Variants in OR51B5 observed in about 807,000 individuals in gnomAD.
The protein encoded by OR51B5 is olfactory receptor family 51 subfamily B member 5.
For synonymous variants in OR51B5, 186 were observed against 144.8 expected (o/e 1.28, Z -2.04); for missense variants, 456 against 374.6 (o/e 1.22, Z -1.79).
At chr11:5,370,112 G>A (rs775342297) in intron 1 of OR51B5, among the ~76,000 whole-genome samples, 6 of 152,100 alleles carry the variant, frequency 3.9e-5, no homozygotes, top group Non-Finnish European at 8.8e-5. Context: ...CTATAGAAAT[G>A]CATATAGAAA....
intron 1 of OR51B5, chr11:5,355,541 C>T: frequency 6.6e-6 from 1 of 152,460 alleles, no homozygotes; most frequent in Non-Finnish European, 1.5e-5. Flanking sequence ...GCACCTGCTT[C>T]TCCTATGCCA....
chr11:5,372,935 T>C (rs942716711), intron 1 of OR51B5, among the ~76,000 whole-genome samples: 3 of 152,140 alleles, frequency 2.0e-5, no homozygotes, highest in Admixed American at 6.5e-5. Flanking sequence ...TACAAAGCTA[T>C]AGTAACCAAA....
intron 1 of OR51B5, among the ~76,000 whole-genome samples, chr11:5,397,885 G>C (rs1326428289): frequency 6.6e-6 from 1 of 151,690 alleles, no homozygotes; most frequent in African/African-American, 2.4e-5. Flanking sequence ...AAAATGATGA[G>C]TTCATGTCCT....
chr11:5,402,902 T>G (rs1487568378), intron 1 of OR51B5: 1 of 471,218 alleles, frequency 2.1e-6, no homozygotes, highest in African/African-American at 2.0e-5. Context: ...CTTGTCTTTT[T>G]CCAGATGTTC....
intron 1 of OR51B5, chr11:5,422,659 C>T: frequency 1.2e-6 from 2 of 1,614,094 alleles, no homozygotes; most frequent in East Asian, 2.2e-5. Context: ...TCATTTGCTG[C>T]TGTGTTCTGG....
chr11:5,411,649 T>A (rs965947609), intron 1 of OR51B5, among the ~76,000 whole-genome samples: 5 of 152,158 alleles, frequency 3.3e-5, no homozygotes, highest in African/African-American at 1.2e-4. Context: ...TTGGTTTACA[T>A]GGAAAAGGGC....
At chr11:5,390,054 T>G in intron 1 of OR51B5, 2 of 1,613,732 alleles carry the variant, frequency 1.2e-6, no homozygotes, top group Non-Finnish European at 1.7e-6. Flanking sequence ...GTTTTCACTG[T>G]GATGCTGGAC....
chr11:5,396,348 A>G (rs1849871640), intron 1 of OR51B5, among the ~76,000 whole-genome samples: 1 of 152,226 alleles, frequency 6.6e-6, no homozygotes, highest in African/African-American at 2.4e-5. Context: ...AATCCCCTTA[A>G]GCTGATAAGC....
At chr11:5,402,037 T>C (rs908262870) in intron 1 of OR51B5, among the ~76,000 whole-genome samples, 1 of 151,704 alleles carries the variant, frequency 6.6e-6, no homozygotes, top group Admixed American at 6.6e-5. Context: ...CTTTTTCTTT[T>C]GTCTCATGCT....
At chr11:5,444,637 G>T (rs1023584224) in intron 1 of OR51B5, among the ~76,000 whole-genome samples, 2 of 152,124 alleles carry the variant, frequency 1.3e-5, no homozygotes, top group Non-Finnish European at 2.9e-5. Context: ...CCTTGTAGCT[G>T]GATATACTAT....
At chr11:5,394,462 T>C (rs1416892065) in intron 1 of OR51B5, among the ~76,000 whole-genome samples, 1 of 152,202 alleles carries the variant, frequency 6.6e-6, no homozygotes, top group Non-Finnish European at 1.5e-5. Context: ...CTTTAAATCA[T>C]CTGGCCCATT....
At chr11:5,362,416 T>C (rs990445769) in intron 1 of OR51B5, among the ~76,000 whole-genome samples, 13 of 152,156 alleles carry the variant, frequency 8.5e-5, no homozygotes, top group African/African-American at 2.9e-4. Context: ...CTTTGGAAAA[T>C]TGTGAACATT....
intron 1 of OR51B5, among the ~76,000 whole-genome samples, chr11:5,473,072 T>C (rs1384761023): frequency 2.0e-5 from 3 of 152,198 alleles, no homozygotes; most frequent in Admixed American, 2.0e-4. Context: ...TTAAGAAAAT[T>C]AGTTGATATG....
At chr11:5,374,695 T>A (rs2471984) in intron 1 of OR51B5, among the ~76,000 whole-genome samples, 4 of 152,110 alleles carry the variant, frequency 2.6e-5, no homozygotes, top group South Asian at 2.1e-4. Context: ...TGGAGAAGCC[T>A]CAGGAGCTGA....
chr11:5,494,458 T>C (rs409915), intron 1 of OR51B5, among the ~76,000 whole-genome samples: 150,465 of 152,310 alleles, frequency 0.99, 74,348 homozygotes, highest in East Asian at 1. Context: ...GAGTTCTTCA[T>C]TCAGCACAGG....
chr11:5,501,525 A>G lies in OR51B5; in HGVS notation n.84+4044T>C, dbSNP rs560614653. Among the ~76,000 whole-genome samples the G allele has an allele frequency of 7.4e-5, 11 of 147,784 alleles. No homozygotes were observed. In the South Asian group the frequency reaches 2.1e-3, roughly 29 times the overall value. ...CTGTTTCCTTGACTTCCTCTTGCTG[A>G]TAATTTTCCTCTTGTCTAAGAAGCT... On this transcript the variant is annotated intron_variant and non_coding_transcript_variant, in intron 1 of 4. Transcript: ENST00000415970.
chr11:5,351,513 G>A (rs1849085910), intron 1 of OR51B5: 2 of 1,608,910 alleles, frequency 1.2e-6, no homozygotes, highest in African/African-American at 1.3e-5. Context: ...TGGCAATGGG[G>A]CTCAATAAGT....
intron 1 of OR51B5, among the ~76,000 whole-genome samples, chr11:5,450,038 A>G (rs953095149): frequency 6.6e-6 from 1 of 152,168 alleles, no homozygotes; most frequent in African/African-American, 2.4e-5. Context: ...TTGATTAAAA[A>G]GTAAAATTAA....
intron 1 of OR51B5, among the ~76,000 whole-genome samples, chr11:5,400,350 A>T (rs2133739857): frequency 6.6e-6 from 1 of 152,260 alleles, no homozygotes; most frequent in East Asian, 1.9e-4. Context: ...TTATTTTAAT[A>T]TCCTATTACA....
Sources: allele counts gnomAD v4.1 joint callset (sites outside exome capture counted in the v4.1 genomes callset), GRCh38; gene constraint gnomAD v4.1.1; transcripts MANE v1.5; gene names NCBI Gene and HGNC (gene_info 2026-07-23, HGNC 2026-07-21).